ATAD2: variants seen among roughly 807,000 people sequenced by gnomAD.
ATAD2 encodes ATPase family AAA domain containing 2.
ATAD2 carries 62 observed loss-of-function variants against 168.9 expected under a neutral mutation model. The ratio of observed to expected loss-of-function variants is 0.37; its 90% CI spans 0.30 to 0.45. The LOEUF (loss-of-function observed/expected upper bound fraction) is 0.45, where lower values mean the gene tolerates loss of function less well. ATAD2 is among the 20% of genes least tolerant of loss of function. ATAD2 has a pLI of 1.00. For synonymous variants in ATAD2, 613 were observed against 571.6 expected, an observed-to-expected ratio of 1.07 and a Z score of -1.03; for missense variants, 1,419 against 1,667.8, an observed-to-expected ratio of 0.85 and a Z score of 2.60.
At chr8:123,411,014 A>G (rs62523171) in intron 1 of ATAD2, among the ~76,000 whole-genome samples, 6,499 of 152,202 alleles carry the variant, frequency 0.043, 211 homozygotes, top group Non-Finnish European at 0.064. Flanking sequence ...CACTCACCGC[A>G]TGGCCCAAGA....
intron 9 of ATAD2, among the ~76,000 whole-genome samples, chr8:123,361,067 A>G (rs927170102): frequency 5.3e-5 from 8 of 152,112 alleles, no homozygotes; most frequent in Non-Finnish European, 1.2e-4. Flanking sequence ...CTGTAATTCC[A>G]TAGCTTTGGG....
chr8:123,371,376 A>G (rs1829143959), intron 4 of ATAD2, 38 bp from the exon 5 acceptor site: 15 of 1,497,200 alleles, frequency 1.0e-5, no homozygotes, highest in East Asian at 2.3e-5. Context: ...GAAAATTGTA[A>G]AAGAGTAGCA....
In ATAD2 at chr8:123,402,815, CAATAAT is replaced by C. The variant is rs59837172; in HGVS notation, c.-2281-1646_-2281-1641del. Among the ~76,000 whole-genome samples, 429 of 51,740 alleles carry C rather than the reference CAATAAT, an allele frequency of 8.3e-3. 4 individuals are homozygous for C. Among genetic ancestry groups the C allele is most frequent in the African/African-American group, 0.042 (408 of 9,752 alleles). 33.9% of individuals were successfully genotyped at this position (51,740 alleles called of 152,430 possible). A position where few individuals can be genotyped will look rare whatever the true frequency, so the allele number is the denominator to read the frequency against. ...GAATAAATCAAGCAGGTCTCAATGC[CAATAAT>C]AATAATAATAATAATAATAATAAAA... is the stretch of plus-strand genomic sequence containing the variant. On this transcript the variant is annotated intron_variant, in intron 1 of 28. Transcript: ENST00000521903. The surrounding 1 kb of genome is among the most constrained non-coding windows in gnomAD (Gnocchi z 4.8).
At chr8:123,371,377 AAG>A (rs1231982081) in intron 4 of ATAD2, 39 bp from the exon 5 acceptor site, 11 of 1,497,126 alleles carry the variant, frequency 7.3e-6, no homozygotes, top group Non-Finnish European at 9.9e-6. Flanking sequence ...AAAATTGTAA[AAG>A]AGTAGCAGAA....
At chr8:123,393,103 T>C (rs1812663462) in intron 1 of ATAD2, among the ~76,000 whole-genome samples, 1 of 149,808 alleles carries the variant, frequency 6.7e-6, no homozygotes, top group Non-Finnish European at 1.5e-5. Context: ...GAGAATGGCG[T>C]GAACCCGGGA....
chr8:123,333,595 C>T (rs928301181), intron 24 of ATAD2, among the ~76,000 whole-genome samples: 2 of 152,024 alleles, frequency 1.3e-5, no homozygotes, highest in African/African-American at 4.8e-5. Context: ...GAATAGGTAA[C>T]GTGGAGTTAC....
chr8:123,405,451 A>T (rs181303276), intron 1 of ATAD2, among the ~76,000 whole-genome samples: 1 of 151,038 alleles, frequency 6.6e-6, no homozygotes, highest in Non-Finnish European at 1.5e-5. Flanking sequence ...TTTAGTAGAG[A>T]TGGGGTTTCA....
At chr8:123,354,431 C>T (rs925847375) in intron 13 of ATAD2, among the ~76,000 whole-genome samples, 9 of 151,636 alleles carry the variant, frequency 5.9e-5, no homozygotes, top group Non-Finnish European at 1.2e-4. Context: ...TTTGGCCAGG[C>T]GCGGTGGCTC....
intron 1 of ATAD2, among the ~76,000 whole-genome samples, chr8:123,405,451 A>G (rs181303276): frequency 1.6e-3 from 240 of 151,146 alleles, no homozygotes; most frequent in African/African-American, 4.7e-3. Flanking sequence ...TTTAGTAGAG[A>G]TGGGGTTTCA....
chr8:123,338,531 G>A (rs1386725190), intron 20 of ATAD2, among the ~76,000 whole-genome samples: 2 of 152,056 alleles, frequency 1.3e-5, no homozygotes, highest in Non-Finnish European at 2.9e-5. Context: ...GATATCCAAT[G>A]AGTACTCAGG....
In ATAD2 at chr8:123,381,498, C is replaced by CACAAAACAAAACAAA. The variant is rs374417395; in HGVS notation, c.172-836_172-822dup. Among the ~76,000 whole-genome samples the CACAAAACAAAACAAA allele has an allele frequency of 6.7e-3, 1,012 of 151,284 alleles. 10 individuals carry two copies. Among genetic ancestry groups the CACAAAACAAAACAAA allele is most frequent in the African/African-American group, 0.024 (967 of 40,952 alleles). ...CCTGGGCAACAGAGTGAGACCCTGCCACAAAACAAAACAAAACAAAACAAA... is the reference window on the plus strand; with the variant it reads ...CCTGGGCAACAGAGTGAGACCCTGCCACAAAACAAAACAAAACAAAACAAAACAAAACAAAACAAA... On this transcript the variant is annotated intron_variant, in intron 1 of 27. Transcript: ENST00000287394.
chr8:123,380,914 A>ACTTT, intron 1 of ATAD2: 1 of 455,786 alleles, frequency 2.2e-6, no homozygotes, highest in East Asian at 4.2e-5. Flanking sequence ...AGTTCATAAC[A>ACTTT]AGTAGTTCAT....
intron 22 of ATAD2, among the ~76,000 whole-genome samples, chr8:123,334,608 G>A (rs929917380): frequency 6.6e-5 from 10 of 152,222 alleles, no homozygotes; most frequent in African/African-American, 2.4e-4. Flanking sequence ...AATAGCAAGA[G>A]ATTAAACATG....
chr8:123,382,602 TTGC>T (rs1665603790), intron 1 of ATAD2, among the ~76,000 whole-genome samples: 1 of 152,208 alleles, frequency 6.6e-6, no homozygotes, highest in African/African-American at 2.4e-5. Flanking sequence ...TCCCATTCAT[TTGC>T]CCTTCTCCAT....
intron 1 of ATAD2, among the ~76,000 whole-genome samples, chr8:123,389,945 G>GCTATTA (rs1829768288): frequency 9.2e-6 from 1 of 108,306 alleles, no homozygotes; most frequent in African/African-American, 3.3e-5. Context: ...ATAAGTGGTA[G>GCTATTA]CTATTACTAT....
intron 24 of ATAD2, among the ~76,000 whole-genome samples, chr8:123,333,409 C>CA (rs35820976): frequency 4.9e-4 from 30 of 61,700 alleles, no homozygotes; most frequent in Non-Finnish European, 6.8e-4. Context: ...GACTCCGTCT[C>CA]AAAAAAAAAA....
intron 8 of ATAD2, among the ~76,000 whole-genome samples, chr8:123,361,879 T>C (rs1828836662): frequency 6.6e-6 from 1 of 152,144 alleles, no homozygotes; most frequent in Admixed American, 6.6e-5. Flanking sequence ...GAATATCAAA[T>C]GTTCATGGAG....
At chr8:123,333,026 CAA>C (rs1827815244) in intron 24 of ATAD2, among the ~76,000 whole-genome samples, 1 of 151,540 alleles carries the variant, frequency 6.6e-6, no homozygotes, top group East Asian at 1.9e-4. Flanking sequence ...ACTTGCAATA[CAA>C]TAGAAGGTTC....
chr8:123,347,879 T>C lies in ATAD2; in HGVS notation c.1897+304A>G, dbSNP rs190591307. ...TCAGTAAAGAATAGCTATTATCTTA[T>C]TATGATATAATAATATATTGTATTT... On this transcript the variant is annotated intron_variant, in intron 15 of 27. Coordinates refer to ENST00000287394, the MANE Select transcript of ATAD2 (RefSeq NM_014109.4). Among the ~76,000 whole-genome samples the C allele has an allele frequency of 1.3e-5, 2 of 152,250 alleles. 1 individual carries two copies. Among genetic ancestry groups the C allele is most frequent in the African/African-American group, 4.8e-5 (2 of 41,540 alleles).
Sources: gnomAD v4.1 joint callset for allele counts (sites outside exome capture counted in the v4.1 genomes callset) on GRCh38, gnomAD v4.1.1 for gene constraint, Gnocchi (gnomAD v3.1) non-coding constraint, MANE v1.5 for transcripts, NCBI Gene and HGNC (gene_info 2026-07-23, HGNC 2026-07-21) for gene names.